Variants in RASGEF1A observed in about 807,000 individuals in gnomAD.
The protein encoded by RASGEF1A is RasGEF domain family member 1A.
A neutral mutation model predicts 56.4 loss-of-function variants in RASGEF1A; 18 were observed. That is an observed-to-expected ratio of 0.32 (90% CI 0.22 to 0.47). RASGEF1A has a LOEUF of 0.47. Among genes scored for constraint, RASGEF1A ranks in the 20% least tolerant of loss-of-function variants. The pLI, the probability that RASGEF1A is intolerant of heterozygous loss-of-function variation, is 1.00. For synonymous variants in RASGEF1A, 245 were observed against 242.6 expected, an observed-to-expected ratio of 1.01 and a Z score of -0.09; for missense variants, 422 against 627.1, an observed-to-expected ratio of 0.67 and a Z score of 3.49.
intron 1 of RASGEF1A, among the ~76,000 whole-genome samples, chr10:43,263,594 G>A (rs1439510823): frequency 6.6e-6 from 1 of 152,078 alleles, no homozygotes; most frequent in African/African-American, 2.4e-5. Context: ...AATTCACAAA[G>A]AACCCCACAG....
intron 1 of RASGEF1A, among the ~76,000 whole-genome samples, chr10:43,250,133 C>A (rs557387190): frequency 6.6e-6 from 1 of 152,250 alleles, no homozygotes; most frequent in Admixed American, 6.5e-5. Context: ...ACCTGAAGGA[C>A]CGGTGCAGCT....
chr10:43,257,032 A>G (rs1588953108), intron 1 of RASGEF1A, among the ~76,000 whole-genome samples: 1 of 152,108 alleles, frequency 6.6e-6, no homozygotes, highest in Non-Finnish European at 1.5e-5. Flanking sequence ...AGTCTGGGCC[A>G]TGCCTGGCGT....
chr10:43,260,775 G>GAAGCCCTCGACGGCCA (rs1836514635), intron 1 of RASGEF1A, among the ~76,000 whole-genome samples: 2 of 152,208 alleles, frequency 1.3e-5, no homozygotes, highest in African/African-American at 4.8e-5. Flanking sequence ...CTCGACGGCC[G>GAAGCCCTCGACGGCCA]TGATCCACAG....
intron 1 of RASGEF1A, among the ~76,000 whole-genome samples, chr10:43,213,351 A>G (rs921049265): frequency 6.6e-6 from 1 of 152,224 alleles, no homozygotes; most frequent in African/African-American, 2.4e-5. Flanking sequence ...TATGTAAAAT[A>G]CTACATATGA....
chr10:43,238,305 C>T (rs1253875503), intron 1 of RASGEF1A, among the ~76,000 whole-genome samples: 2 of 152,092 alleles, frequency 1.3e-5, no homozygotes, highest in African/African-American at 2.4e-5. Context: ...AGATTGAGAC[C>T]TGTCTTCAGG....
chr10:43,198,409 G>C (rs1045646490), intron 9 of RASGEF1A, among the ~76,000 whole-genome samples: 1 of 152,230 alleles, frequency 6.6e-6, no homozygotes, highest in Non-Finnish European at 1.5e-5. Context: ...CCTCTGGAAA[G>C]CCACAGAAGT....
chr10:43,215,506 C>T (rs894640218), intron 1 of RASGEF1A, among the ~76,000 whole-genome samples: 1 of 152,164 alleles, frequency 6.6e-6, no homozygotes, highest in Non-Finnish European at 1.5e-5. Flanking sequence ...AGGGGAGAGA[C>T]CTGCGCACCT....
chr10:43,214,092 C>T (rs1181590251), intron 1 of RASGEF1A, among the ~76,000 whole-genome samples: 7 of 152,202 alleles, frequency 4.6e-5, no homozygotes, highest in African/African-American at 1.7e-4. Context: ...CAGTCCTTCC[C>T]TCCATTCAAA....
At position 43,229,626 on chromosome 10, in the gene RASGEF1A, C is replaced by T. The variant is rs905948469; in HGVS notation, c.-6-23504G>A. The T allele has an allele frequency of 4.0e-6, 6 of 1,493,542 alleles. No homozygotes were observed. The African/African-American group carries it at 5.8e-5, about 14-fold the overall frequency. The allele number at this position is 1,493,542 out of a possible 1,614,324, so 92.5% of individuals were successfully genotyped here. On this transcript the variant is annotated intron_variant, in intron 1 of 12. Coordinates refer to ENST00000395810, the MANE Select transcript of RASGEF1A (RefSeq NM_145313.4). ...CCCGCGGCCTTGCGCCTGGGCCCGC[C>T]GCAGCCCTACCTGGGGCTCCAGGAA... is the stretch of plus-strand genomic sequence containing the variant.
At chr10:43,264,176 A>G (rs1204129499) in intron 1 of RASGEF1A, among the ~76,000 whole-genome samples, 1 of 151,762 alleles carries the variant, frequency 6.6e-6, no homozygotes, top group East Asian at 2.0e-4. Context: ...CTAGCTGGGG[A>G]ATTCCTGGTG....
At chr10:43,264,467 C>T (rs764052401) in intron 1 of RASGEF1A, among the ~76,000 whole-genome samples, 93 of 151,776 alleles carry the variant, frequency 6.1e-4, no homozygotes, top group Non-Finnish European at 9.6e-4. Flanking sequence ...CCCCTCCCTC[C>T]GCACATCACA....
intron 1 of RASGEF1A, among the ~76,000 whole-genome samples, chr10:43,233,316 G>A (rs538667607): frequency 6.6e-5 from 10 of 150,848 alleles, no homozygotes; most frequent in East Asian, 1.9e-4. Context: ...GTGTGTGTGC[G>A]TGTGTGTGTG....
At chr10:43,215,966 G>C (rs1169367347) in intron 1 of RASGEF1A, among the ~76,000 whole-genome samples, 1 of 152,194 alleles carries the variant, frequency 6.6e-6, no homozygotes, top group Non-Finnish European at 1.5e-5. Flanking sequence ...CAGAGTGAGT[G>C]GACAGAAGCG....
intron 1 of RASGEF1A, among the ~76,000 whole-genome samples, chr10:43,227,641 G>A (rs537112827): frequency 2.0e-5 from 3 of 152,128 alleles, no homozygotes; most frequent in South Asian, 2.1e-4. Flanking sequence ...GGGCAGCAAG[G>A]AGCCTGCAGG....
chr10:43,259,511 A>G (rs888432772), intron 1 of RASGEF1A, among the ~76,000 whole-genome samples: 1 of 152,144 alleles, frequency 6.6e-6, no homozygotes, highest in Admixed American at 6.5e-5. Flanking sequence ...GTCCCCATGG[A>G]ATCAGGCTAG....
In RASGEF1A at chr10:43,246,585, A is replaced by G. The variant is rs567128664; in HGVS notation, c.-7+20260T>C. ...CATAAAAATAGACCTATAAATCAAC[A>G]GAATAAAGGTGAGAGTCCAGAAATA... On this transcript the variant is annotated intron_variant, in intron 1 of 12. Coordinates refer to ENST00000395810, the MANE Select transcript of RASGEF1A (RefSeq NM_145313.4). Among the ~76,000 whole-genome samples, 58 of 152,342 alleles carry G rather than the reference A, an allele frequency of 3.8e-4. 1 individual carries two copies. The South Asian group carries it at 5.6e-3, about 15-fold the overall frequency.
intron 1 of RASGEF1A, among the ~76,000 whole-genome samples, chr10:43,210,219 C>T (rs537823407): frequency 4.6e-5 from 7 of 152,294 alleles, no homozygotes; most frequent in African/African-American, 1.7e-4. Flanking sequence ...TGCCTGTAAT[C>T]CCAGCACTTT....
At chr10:43,234,185 A>C (rs766621174) in intron 1 of RASGEF1A, among the ~76,000 whole-genome samples, 1 of 152,164 alleles carries the variant, frequency 6.6e-6, no homozygotes, top group Non-Finnish European at 1.5e-5. Flanking sequence ...TGTGTGTTAC[A>C]CTTCAATCAC....
intron 1 of RASGEF1A, chr10:43,229,547 G>T: frequency 8.7e-7 from 1 of 1,154,352 alleles, no homozygotes; most frequent in South Asian, 1.4e-5. Context: ...CGCACGGGTC[G>T]GGATGCAGGG....
Sources: gnomAD v4.1 joint callset for allele counts (sites outside exome capture counted in the v4.1 genomes callset) on GRCh38, gnomAD v4.1.1 for gene constraint, MANE v1.5 for transcripts, NCBI Gene and HGNC (gene_info 2026-07-23, HGNC 2026-07-21) for gene names.